MXD1: variants seen among roughly 807,000 people sequenced by gnomAD.
The protein encoded by MXD1 is MAX dimerization protein 1, also known as MAX-binding protein.
In MXD1, 9 loss-of-function variants were observed where a neutral mutation model predicts 25.7. The observed-to-expected ratio is 0.35, with a 90% CI of 0.21 to 0.61. The LOEUF (loss-of-function observed/expected upper bound fraction) is 0.61, where lower values mean the gene tolerates loss of function less well. Among genes scored for constraint, MXD1 ranks in the 20% least tolerant of loss-of-function variants. MXD1 has a pLI of 0.75. For missense variants in MXD1, 227 were observed against 292.4 expected, an observed-to-expected ratio of 0.78 and a Z score of 1.63; for synonymous variants, 99 against 113.9, an observed-to-expected ratio of 0.87 and a Z score of 0.83.
intron 3 of MXD1, among the ~76,000 whole-genome samples, chr2:69,927,278 T>G (rs1356976474): frequency 6.6e-6 from 1 of 152,244 alleles, no homozygotes; most frequent in African/African-American, 2.4e-5. Context: ...AGTTGTGGTA[T>G]GCATTGCATC....
intron 3 of MXD1, 107 bp downstream of exon 3, chr2:69,921,872 G>A (rs1465997680): frequency 1.9e-6 from 2 of 1,069,524 alleles, no homozygotes; most frequent in Non-Finnish European, 2.7e-6. Flanking sequence ...AGTAGCACCT[G>A]ATTTCAGAAT....
chr2:69,928,603 A>G (rs1047842699), intron 3 of MXD1, among the ~76,000 whole-genome samples: 16 of 152,002 alleles, frequency 1.1e-4, no homozygotes, highest in African/African-American at 3.9e-4. Context: ...GCACTGGCTC[A>G]CAACTGTAAT....
In MXD1 at chr2:69,942,784, A is replaced by G. The variant is rs1234683903; in HGVS notation, c.*4500A>G. 3 of 152,230 alleles carry G rather than the reference A, an allele frequency of 2.0e-5. No homozygotes were observed. Among genetic ancestry groups the G allele is most frequent in the Non-Finnish European group, 4.4e-5 (3 of 68,038 alleles). The allele number at this position is 152,230 out of a possible 1,614,324, so 9.4% of individuals were successfully genotyped here. The stretch of plus-strand genomic sequence containing the variant: ...GTTTCTTTATGTAAATATGACGCCA[A>G]TGTAAATCCTGTGTCAAGATCATAG... On this transcript the variant is annotated 3_prime_UTR_variant, in exon 6 of 6. Transcript: ENST00000264444.
At chr2:69,918,448 A>C (rs1376352180) in intron 2 of MXD1, among the ~76,000 whole-genome samples, 1 of 152,246 alleles carries the variant, frequency 6.6e-6, no homozygotes, top group African/African-American at 2.4e-5. Flanking sequence ...AATTATCCAT[A>C]GAACTGCTGG....
chr2:69,941,311 G>C lies in MXD1; in HGVS notation c.*3027G>C, dbSNP rs1309843681. 1 of 152,166 alleles carries C rather than the reference G, an allele frequency of 6.6e-6. No homozygotes were observed. Among genetic ancestry groups the C allele is most frequent in the Non-Finnish European group, 1.5e-5 (1 of 68,044 alleles). 9.4% of individuals were successfully genotyped at this position (152,166 alleles called of 1,614,324 possible). On this transcript the variant is annotated 3_prime_UTR_variant, in exon 6 of 6. Transcript: ENST00000264444. ...TTTCCATCCCCTGTTGGCTTTGAAT[G>C]GTGGGCCGAGCACCCAGGTCGTCTG...
At chr2:69,934,614 T>C (rs1278679488) in intron 3 of MXD1, among the ~76,000 whole-genome samples, 1 of 152,236 alleles carries the variant, frequency 6.6e-6, no homozygotes, top group African/African-American at 2.4e-5. Context: ...TTATGTGTCA[T>C]TCCAGAGTTT....
intron 4 of MXD1, among the ~76,000 whole-genome samples, chr2:69,936,666 A>G (rs1677451402): frequency 6.6e-6 from 1 of 152,204 alleles, no homozygotes; most frequent in South Asian, 2.1e-4. Context: ...AAAAATGAGT[A>G]TTCTATGGAA....
At chr2:69,929,467 C>G (rs1677236950) in intron 3 of MXD1, among the ~76,000 whole-genome samples, 1 of 152,204 alleles carries the variant, frequency 6.6e-6, no homozygotes, top group Non-Finnish European at 1.5e-5. Context: ...AAAGCATGGT[C>G]TGGAGGCAGA....
rs1037131531 is a variant in MXD1, at chr2:69,941,612, C to T, written c.*3328C>T. 10 of 152,132 alleles carry T rather than the reference C, an allele frequency of 6.6e-5. No homozygotes were observed. The highest frequency in any genetic ancestry group is 2.2e-4 in the African/African-American group (9 of 41,416). The allele number at this position is 152,132 out of a possible 1,614,324, so 9.4% of individuals were successfully genotyped here. A position where few individuals can be genotyped will look rare whatever the true frequency, so the allele number is the denominator to read the frequency against. ...TTTTAAGGTGGGCATTTTCCTTTAA[C>T]CTCTACTTTTTCAAAAGCAACAAAG... On this transcript the variant is annotated 3_prime_UTR_variant, in exon 6 of 6. Coordinates refer to ENST00000264444, the MANE Select transcript of MXD1 (RefSeq NM_002357.4).
Position 69,916,176 on chromosome 2 carries a change from C to T in MXD1, c.129C>T (p.Ala43=), listed in dbSNP as rs1425767808. The T allele has an allele frequency of 6.2e-6, 10 of 1,613,154 alleles. No individual in the cohort carries two copies. Among genetic ancestry groups the T allele is most frequent in the Non-Finnish European group, 7.6e-6 (9 of 1,179,310 alleles). ...CATACAATAACAAGGACAGAGATGCCTTAAAACGGAGGAACAAATCCAAAA... is the reference window on the plus strand; with the variant it reads ...CATACAATAACAAGGACAGAGATGCTTTAAAACGGAGGAACAAATCCAAAA... ...MLPYNNKDRD[A]LKRRNKSKKN... is the part of the protein sequence containing the mutation. The change falls in exon 2 of 6, where the codon GCC becomes GCT. Residue 43 remains alanine, a synonymous_variant. Transcript: ENST00000264444.
Position 69,942,129 on chromosome 2 carries a change from T to A in MXD1, c.*3845T>A, listed in dbSNP as rs1677620463. 1 of 152,226 alleles carries A rather than the reference T, an allele frequency of 6.6e-6. No homozygotes were observed. Among genetic ancestry groups the A allele is most frequent in the Non-Finnish European group, 1.5e-5 (1 of 68,038 alleles). The allele number at this position is 152,226 out of a possible 1,614,324, so 9.4% of individuals were successfully genotyped here. A position where few individuals can be genotyped will look rare whatever the true frequency, so the allele number is the denominator to read the frequency against. On this transcript the variant is annotated 3_prime_UTR_variant, in exon 6 of 6. Coordinates refer to ENST00000264444, the MANE Select transcript of MXD1 (RefSeq NM_002357.4). ...GTAGTAAAAGGCTAAACGCAATTTC[T>A]TGCATGTCAATCTATTCTTTTTCTA...
chr2:69,927,427 A>G (rs976729659), intron 3 of MXD1, among the ~76,000 whole-genome samples: 2 of 152,180 alleles, frequency 1.3e-5, no homozygotes, highest in Admixed American at 1.3e-4. Flanking sequence ...TCCAATCTAT[A>G]TTGATGGTCT....
chr2:69,918,254 T>G (rs1319357379), intron 2 of MXD1, among the ~76,000 whole-genome samples: 1 of 152,224 alleles, frequency 6.6e-6, no homozygotes, highest in East Asian at 1.9e-4. Flanking sequence ...TCTTACAGGT[T>G]GAAATGCTGT....
chr2:69,935,307 C>T, intron 3 of MXD1, 44 bp from the exon 4 acceptor site: 2 of 1,426,044 alleles, frequency 1.4e-6, no homozygotes, highest in East Asian at 2.3e-5. Context: ...TGCTTCTGGC[C>T]CACTGTGAAA....
chr2:69,940,195 T>G lies in MXD1; in HGVS notation c.*1911T>G, dbSNP rs1422626733. 1 of 151,364 alleles carries G rather than the reference T, an allele frequency of 6.6e-6. No homozygotes were observed. Among genetic ancestry groups the G allele is most frequent in the East Asian group, 1.9e-4 (1 of 5,156 alleles). The allele number at this position is 151,364 out of a possible 1,614,324, so 9.4% of individuals were successfully genotyped here. A position where few individuals can be genotyped will look rare whatever the true frequency, so the allele number is the denominator to read the frequency against. ...TTTGGAATCTTTTCCAATAACCAGC[T>G]AAAGATTTGCACTGAAATACAACTT... On this transcript the variant is annotated 3_prime_UTR_variant, in exon 6 of 6. Transcript: ENST00000264444.
intron 3 of MXD1, among the ~76,000 whole-genome samples, chr2:69,922,849 C>T (rs1433211686): frequency 6.9e-6 from 1 of 145,120 alleles, no homozygotes; most frequent in Non-Finnish European, 1.5e-5. Context: ...CACTGCACTC[C>T]GGCTTGGGCA....
chr2:69,926,131 A>G (rs1677165033), intron 3 of MXD1, among the ~76,000 whole-genome samples: 1 of 152,206 alleles, frequency 6.6e-6, no homozygotes, highest in Non-Finnish European at 1.5e-5. Context: ...TATAAAGGAC[A>G]TATATGAAAG....
At chr2:69,922,678 G>C (rs903732052) in intron 3 of MXD1, among the ~76,000 whole-genome samples, 1 of 151,994 alleles carries the variant, frequency 6.6e-6, no homozygotes, top group African/African-American at 2.4e-5. Flanking sequence ...TCAGGAGTTC[G>C]AGACCAGCCT....
intron 3 of MXD1, among the ~76,000 whole-genome samples, chr2:69,931,577 T>G (rs1677285800): frequency 6.6e-6 from 1 of 152,320 alleles, no homozygotes; most frequent in Non-Finnish European, 1.5e-5. Flanking sequence ...CATTTACTCT[T>G]AATCACTGCA....
Sources: allele counts gnomAD v4.1 joint callset (sites outside exome capture counted in the v4.1 genomes callset), GRCh38; gene constraint gnomAD v4.1.1; transcripts MANE v1.5; gene names NCBI Gene and HGNC (gene_info 2026-07-23, HGNC 2026-07-21).